Variants in CYTH1 observed in about 807,000 individuals in gnomAD.
CYTH1 encodes the protein cytohesin 1, also known as cytohesin-1.
CYTH1 carries 18 observed loss-of-function variants against 61.8 expected under a neutral mutation model. The ratio of observed to expected loss-of-function variants is 0.29; its 90% confidence interval spans 0.20 to 0.43. The LOEUF (loss-of-function observed/expected upper bound fraction) is 0.43. Ranked by LOEUF, CYTH1 falls within the 20% of genes least tolerant of loss-of-function variation. The probability of loss-of-function intolerance (pLI) is 1.00; values close to 1 mark genes in which losing one functional copy is unlikely to be tolerated. For missense variants in CYTH1, 336 were observed against 510.5 expected, an observed-to-expected ratio of 0.66 and a Z score of 3.29; for synonymous variants, 174 against 184.3, an observed-to-expected ratio of 0.94 and a Z score of 0.45.
chr17:78,698,638 C>T (rs1251897466), intron 8 of CYTH1, among the ~76,000 whole-genome samples, 182 bp downstream of exon 8: 1 of 152,152 alleles, frequency 6.6e-6, no homozygotes, highest in African/African-American at 2.4e-5. Context: ...AAACCACTGT[C>T]CCCTCCCTGA....
In CYTH1 at chr17:78,727,777, A is replaced by G. The variant is rs1161990754; in HGVS notation, c.23-18045T>C. 1.3e-5 allele frequency: 6 copies of G among 468,594 alleles called. No homozygotes were observed. In the East Asian group the frequency reaches 4.2e-4, roughly 33 times the overall value. 29.0% of individuals were successfully genotyped at this position (468,594 alleles called of 1,614,324 possible). ...CTTCTTCTCTGTCTTGGCTGCTCTC[A>G]TGAGGCTGCTCTTGGACCGTCCCCT... On this transcript the variant is annotated intron_variant, in intron 1 of 13. Transcript: ENST00000446868.
intron 13 of CYTH1, among the ~76,000 whole-genome samples, chr17:78,679,644 A>T (rs2092737049): frequency 6.6e-6 from 1 of 152,196 alleles, no homozygotes; most frequent in Non-Finnish European, 1.5e-5. Flanking sequence ...CAGAGCCGAG[A>T]GGTAGGAGTC....
At chr17:78,687,955 A>G (rs2092833545) in intron 11 of CYTH1, among the ~76,000 whole-genome samples, 1 of 152,214 alleles carries the variant, frequency 6.6e-6, no homozygotes, top group Non-Finnish European at 1.5e-5. Context: ...TGTATCACAG[A>G]AGCCGTGTGT....
At chr17:78,682,984 T>G (rs2092778925) in intron 11 of CYTH1, among the ~76,000 whole-genome samples, 1 of 152,254 alleles carries the variant, frequency 6.6e-6, no homozygotes, top group Non-Finnish European at 1.5e-5. Context: ...ATGCTAGACC[T>G]CCTGGACTAG....
intron 3 of CYTH1, among the ~76,000 whole-genome samples, chr17:78,705,340 C>G (rs2093054118): frequency 6.6e-6 from 1 of 152,346 alleles, no homozygotes; most frequent in African/African-American, 2.4e-5. Context: ...ATCTGCCCCA[C>G]TTGGAGCCCC....
chr17:78,676,336 G>A (rs1302464470), intron 13 of CYTH1, 167 bp from the exon 14 acceptor site: 6 of 621,924 alleles, frequency 9.6e-6, no homozygotes, highest in Non-Finnish European at 1.7e-5. Flanking sequence ...TGTCCACACA[G>A]TGACCTAAGG....
chr17:78,728,025 C>T (rs1051462242), intron 1 of CYTH1: 1 of 195,804 alleles, frequency 5.1e-6, no homozygotes, highest in Non-Finnish European at 1.1e-5. Flanking sequence ...CCTCCCTCCA[C>T]GACAAATGGA....
intron 11 of CYTH1, among the ~76,000 whole-genome samples, chr17:78,683,702 G>A (rs927493149): frequency 4.6e-5 from 7 of 152,242 alleles, no homozygotes; most frequent in Non-Finnish European, 5.9e-5. Context: ...AGTCTCTCCT[G>A]TGAGCGAGCA....
intron 1 of CYTH1, among the ~76,000 whole-genome samples, chr17:78,735,641 T>C (rs889892834): frequency 2.0e-5 from 3 of 152,172 alleles, no homozygotes; most frequent in African/African-American, 7.2e-5. Context: ...CATTTGCACT[T>C]AGAGGTGGGG....
intron 1 of CYTH1, among the ~76,000 whole-genome samples, chr17:78,772,888 G>A (rs1006014158): frequency 6.6e-6 from 1 of 151,762 alleles, no homozygotes; most frequent in Non-Finnish European, 1.5e-5. Context: ...GGAGTACAGT[G>A]GCACGATCTC....
chr17:78,759,035 C>T (rs1042454803), intron 1 of CYTH1, among the ~76,000 whole-genome samples: 2 of 150,896 alleles, frequency 1.3e-5, no homozygotes, highest in Admixed American at 6.6e-5. Context: ...CATAGGAGAT[C>T]GAGGTTGCAG....
intron 1 of CYTH1, among the ~76,000 whole-genome samples, chr17:78,757,764 C>G (rs1366100300): frequency 1.3e-5 from 2 of 151,906 alleles, no homozygotes; most frequent in Non-Finnish European, 2.9e-5. Flanking sequence ...AACCCCTTCT[C>G]TACTAAAAAT....
At chr17:78,758,350 T>G (rs972070782) in intron 1 of CYTH1, among the ~76,000 whole-genome samples, 1 of 152,196 alleles carries the variant, frequency 6.6e-6, no homozygotes, top group Non-Finnish European at 1.5e-5. Context: ...AAGGAGACTG[T>G]AGCATGACAT....
At chr17:78,768,818 C>T (rs2093459116) in intron 1 of CYTH1, among the ~76,000 whole-genome samples, 1 of 151,984 alleles carries the variant, frequency 6.6e-6, no homozygotes, top group Admixed American at 6.6e-5. Flanking sequence ...CCACCTGCTT[C>T]CTTTCTCTCT....
intron 1 of CYTH1, among the ~76,000 whole-genome samples, chr17:78,775,987 T>C (rs1323361428): frequency 6.6e-6 from 1 of 151,854 alleles, no homozygotes; most frequent in Non-Finnish European, 1.5e-5. Flanking sequence ...AAACCTCGTC[T>C]CTACTAAAAA....
At chr17:78,688,349 G>A (rs2092838120) in intron 11 of CYTH1, among the ~76,000 whole-genome samples, 1 of 152,202 alleles carries the variant, frequency 6.6e-6, no homozygotes, top group South Asian at 2.1e-4. Flanking sequence ...ATATGTCACA[G>A]AAGAACAAGC....
chr17:78,760,398 T>C (rs1318367601), intron 1 of CYTH1, among the ~76,000 whole-genome samples: 1 of 43,222 alleles, frequency 2.3e-5, no homozygotes, highest in Non-Finnish European at 5.6e-5. Flanking sequence ...CACACATACA[T>C]ATATATATGT....
chr17:78,706,754 A>G (rs559599135), intron 3 of CYTH1, among the ~76,000 whole-genome samples: 2 of 152,344 alleles, frequency 1.3e-5, no homozygotes, highest in African/African-American at 4.8e-5. Flanking sequence ...AATTCTAGCC[A>G]TCATAGGGGA....
chr17:78,767,872 C>G (rs768474898), intron 1 of CYTH1, among the ~76,000 whole-genome samples: 1 of 151,626 alleles, frequency 6.6e-6, no homozygotes, highest in African/African-American at 2.4e-5. Flanking sequence ...AAGATTCAAA[C>G]GTTCTCTTAA....
Sources: gnomAD v4.1 joint callset for allele counts (sites outside exome capture counted in the v4.1 genomes callset) on GRCh38, gnomAD v4.1.1 for gene constraint, MANE v1.5 for transcripts, NCBI Gene and HGNC (gene_info 2026-07-23, HGNC 2026-07-21) for gene names.